SYNPO2: variants seen among roughly 807,000 people sequenced by gnomAD.
SYNPO2 encodes synaptopodin-2.
Under a neutral mutation model 85.0 loss-of-function variants are expected in SYNPO2, and 56 were observed. That is an observed-to-expected ratio of 0.66 (90% CI 0.53 to 0.82). SYNPO2 has a LOEUF of 0.82. Ranked by LOEUF, SYNPO2 falls within the 40% of genes least tolerant of loss-of-function variation. The pLI is 0.00. For synonymous variants in SYNPO2, 602 were observed against 591.1 expected, an observed-to-expected ratio of 1.02 and a Z score of -0.27; for missense variants, 1,575 against 1,534.2, an observed-to-expected ratio of 1.03 and a Z score of -0.44.
chr4:119,038,214 C>G (rs905956693), intron 4 of SYNPO2: 11 of 985,224 alleles, frequency 1.1e-5, no homozygotes, highest in Non-Finnish European at 1.3e-5. Flanking sequence ...ACTGATTCAC[C>G]AAGAGCCTAC....
At chr4:118,864,795 G>T (rs1279198676) in intron 1 of SYNPO2, among the ~76,000 whole-genome samples, 5 of 152,010 alleles carry the variant, frequency 3.3e-5, no homozygotes, top group Non-Finnish European at 4.4e-5. Context: ...CATTAGCTTG[G>T]AATATCTTTT....
At chr4:118,948,133 C>T (rs1734567822) in intron 1 of SYNPO2, among the ~76,000 whole-genome samples, 1 of 152,150 alleles carries the variant, frequency 6.6e-6, no homozygotes, top group Admixed American at 6.5e-5. Flanking sequence ...GTGTTGCGCT[C>T]TGTCTGATTT....
chr4:119,054,339 G>A (rs886585172), intron 4 of SYNPO2, among the ~76,000 whole-genome samples: 29 of 152,140 alleles, frequency 1.9e-4, no homozygotes, highest in Middle Eastern at 3.2e-3. Context: ...CCCTTCATCC[G>A]TGAGGGCAAA....
intron 1 of SYNPO2, among the ~76,000 whole-genome samples, chr4:118,862,148 C>T (rs911735464): frequency 2.0e-5 from 3 of 152,044 alleles, no homozygotes; most frequent in Admixed American, 6.6e-5. Flanking sequence ...TTGCTGTTGG[C>T]ATATAAAATG....
chr4:118,861,390 C>G (rs1731609024), intron 1 of SYNPO2, among the ~76,000 whole-genome samples: 1 of 152,058 alleles, frequency 6.6e-6, no homozygotes, highest in Admixed American at 6.6e-5. Context: ...CCACGATGGC[C>G]TTGATCTCCT....
At position 119,057,653 on chromosome 4, in the gene SYNPO2, C is replaced by T. The variant is rs370209332; in HGVS notation, c.3505C>T (p.Leu1169Phe). 2.5e-6 allele frequency: 4 copies of T among 1,614,026 alleles called. No individual in the cohort carries two copies. The highest frequency in any genetic ancestry group is 1.3e-5 in the African/African-American group (1 of 74,920). ...GGTTTCAGCAGCTCGGAGGAAGGTG[C>T]TTCCAGGGCCTCCAGAGGATTGGAA... Reference protein sequence around the residue: ...NVVSAARRKVLPGPPEDWNER... With the variant: ...NVVSAARRKVFPGPPEDWNER... Residue 1169 changes from leucine to phenylalanine, a missense_variant, in exon 5 of 5, where the codon CTT becomes TTT. Physicochemically the swap from Leu to Phe is conservative, Grantham distance 22. Around this residue, in one of 3 missense-constraint regions of SYNPO2, gnomAD observed 1,508 missense variants for 1,446.8 expected, o/e 1.04. Coordinates refer to ENST00000307142, the MANE Select transcript of SYNPO2 (RefSeq NM_133477.3).
At chr4:119,012,072 G>C (rs1197451593) in intron 1 of SYNPO2, among the ~76,000 whole-genome samples, 1 of 151,910 alleles carries the variant, frequency 6.6e-6, no homozygotes, top group Non-Finnish European at 1.5e-5. Flanking sequence ...ACAGGTACCT[G>C]CCACCACGTC....
At chr4:118,868,527 G>T (rs904802763) in intron 1 of SYNPO2, among the ~76,000 whole-genome samples, 1 of 151,938 alleles carries the variant, frequency 6.6e-6, no homozygotes, top group Admixed American at 6.6e-5. Context: ...AAAAGAGAAA[G>T]GATTTTTGAA....
chr4:118,888,182 G>A (rs992457102), upstream of SYNPO2, among the ~76,000 whole-genome samples: 1 of 152,152 alleles, frequency 6.6e-6, no homozygotes, highest in Non-Finnish European at 1.5e-5. Context: ...AACAAAACAC[G>A]TTAAAATTTA....
At chr4:118,853,884 AGG>A (rs1731464093) in intron 1 of SYNPO2, among the ~76,000 whole-genome samples, 1 of 152,192 alleles carries the variant, frequency 6.6e-6, no homozygotes, top group Non-Finnish European at 1.5e-5. Context: ...TGCAGGAAAG[AGG>A]CTGGATACCA....
chr4:119,013,946 T>C (rs1599057), intron 1 of SYNPO2, among the ~76,000 whole-genome samples: 2 of 152,014 alleles, frequency 1.3e-5, no homozygotes, highest in African/African-American at 4.8e-5. Flanking sequence ...GTTGAGTTCA[T>C]TGTGATATCA....
intron 1 of SYNPO2, among the ~76,000 whole-genome samples, chr4:118,872,392 AACTCCTATG>A (rs1303473449): frequency 1.3e-5 from 2 of 152,214 alleles, no homozygotes; most frequent in Non-Finnish European, 1.5e-5. Flanking sequence ...TGCAAGAACA[AACTCCTATG>A]ACAACAAAAA....
chr4:118,879,821 G>A (rs934639335), intron 1 of SYNPO2, among the ~76,000 whole-genome samples: 2 of 152,086 alleles, frequency 1.3e-5, no homozygotes, highest in African/African-American at 2.4e-5. Context: ...GCGTGTGGCT[G>A]AAGAATGTTG....
rs145367728 is a variant in SYNPO2, at chr4:119,030,658, C to A, written c.1883C>A (p.Pro628His). ...CCACCTTACTCTGCAGTCACTCCTC[C>A]CCCTGACGCCTTCTCCAGAGGGGTT... ...APPPYSAVTP[P>H]PDAFSRGVSS... Residue 628 changes from proline to histidine, a missense_variant, in exon 4 of 5, where the codon CCC (proline) becomes CAC (histidine). Around this residue, in one of 3 missense-constraint regions of SYNPO2, gnomAD observed 1,508 missense variants for 1,446.8 expected, o/e 1.04. Coordinates refer to ENST00000307142, the MANE Select transcript of SYNPO2 (RefSeq NM_133477.3). 3.7e-5 allele frequency: 60 copies of A among 1,614,036 alleles called. No homozygotes were observed. In the African/African-American group the frequency reaches 7.6e-4, roughly 20 times the overall value.
At chr4:118,997,227 G>A (rs1438915782) in intron 1 of SYNPO2, among the ~76,000 whole-genome samples, 30 of 80,086 alleles carry the variant, frequency 3.7e-4, no homozygotes, top group East Asian at 2.0e-3. Context: ...GCGACAGAGC[G>A]AGACTCCGTC....
chr4:119,039,106 C>T (rs66887948), intron 4 of SYNPO2, among the ~76,000 whole-genome samples: 45,412 of 151,904 alleles, frequency 0.3, 6,799 homozygotes, highest in Middle Eastern at 0.32. Flanking sequence ...AATAAGGTAA[C>T]AATTATGGGG....
At chr4:118,855,036 G>C (rs907283741) in intron 1 of SYNPO2, among the ~76,000 whole-genome samples, 1 of 151,608 alleles carries the variant, frequency 6.6e-6, no homozygotes, top group Non-Finnish European at 1.5e-5. Flanking sequence ...AGAGTGCCCA[G>C]ATTCAGCTAG....
chr4:118,995,754 A>G (rs11736121), intron 1 of SYNPO2, among the ~76,000 whole-genome samples: 49,098 of 152,014 alleles, frequency 0.32, 8,119 homozygotes, highest in Admixed American at 0.39. Flanking sequence ...AAAATTGAAC[A>G]TGTGGCTTAC....
At chr4:118,988,449 G>T (rs1459704747) in intron 1 of SYNPO2, among the ~76,000 whole-genome samples, 1 of 152,092 alleles carries the variant, frequency 6.6e-6, no homozygotes, top group Non-Finnish European at 1.5e-5. Context: ...TATACAGCAG[G>T]TTGAGCAAAA....
Sources: allele counts gnomAD v4.1 joint callset (sites outside exome capture counted in the v4.1 genomes callset), GRCh38; gene constraint gnomAD v4.1.1; regional missense constraint gnomAD v4.1.1; transcripts MANE v1.5; gene names NCBI Gene and HGNC (gene_info 2026-07-23, HGNC 2026-07-21).